TOR1AIP1: variants seen among roughly 807,000 people sequenced by gnomAD.
TOR1AIP1 encodes the protein torsin 1A interacting protein 1.
In TOR1AIP1, 54 loss-of-function variants were observed where a neutral mutation model predicts 63.3. The observed-to-expected ratio is 0.85, with a 90% CI of 0.69 to 1.07. TOR1AIP1 has a LOEUF of 1.07. Among genes scored for constraint, TOR1AIP1 ranks in the 50% least tolerant of loss-of-function variants. TOR1AIP1 has a pLI of 0.00. For missense variants in TOR1AIP1, 736 were observed against 715.0 expected, an observed-to-expected ratio of 1.03 and a Z score of -0.33; for synonymous variants, 294 against 273.5, an observed-to-expected ratio of 1.07 and a Z score of -0.74.
intron 2 of TOR1AIP1, among the ~76,000 whole-genome samples, chr1:179,887,347 C>T (rs140574758): frequency 0.021 from 3,152 of 151,950 alleles, 125 homozygotes; most frequent in African/African-American, 0.072. Flanking sequence ...TGCAGTGAGC[C>T]GAGATCATGC....
Position 179,918,413 on chromosome 1 carries a change from T to C in TOR1AIP1, c.*174T>C. 1.6e-6 allele frequency: 1 copy of C among 638,148 alleles called. No individual in the cohort carries two copies. Among genetic ancestry groups the C allele is most frequent in the Non-Finnish European group, 2.6e-6 (1 of 381,674 alleles). 39.5% of individuals were successfully genotyped at this position (638,148 alleles called of 1,614,324 possible). On this transcript the variant is annotated 3_prime_UTR_variant, in exon 10 of 10. Coordinates refer to ENST00000606911, the MANE Select transcript of TOR1AIP1 (RefSeq NM_015602.4). ...TCATTCAACCTAATTATCTGTGATA[T>C]GAGAGAATCATTTCAGTTTCCATTG...
At chr1:179,883,931 G>A (rs538287736) in intron 1 of TOR1AIP1, 13 of 286,068 alleles carry the variant, frequency 4.5e-5, no homozygotes, top group African/African-American at 2.8e-4. Context: ...GTCACAATGG[G>A]ATGACATAGT....
intron 8 of TOR1AIP1, among the ~76,000 whole-genome samples, chr1:179,909,454 A>T (rs1020575435): frequency 4.0e-5 from 6 of 151,560 alleles, no homozygotes; most frequent in Admixed American, 2.6e-4. Context: ...TGTGTTGCCC[A>T]GGCTGGAGTA....
rs185541586 is a variant in TOR1AIP1, at chr1:179,887,181, C to T, written c.554-2132C>T. ...TTGGGAGGCCAAGGTGGGCAGATCA[C>T]GAGGTCAGGAGTTCGAGACCAGCCT... On this transcript the variant is annotated intron_variant, in intron 2 of 9. Transcript: ENST00000606911. 5.8e-3 allele frequency among the ~76,000 whole-genome samples: 887 copies of T among 152,166 alleles called. 9 individuals carry two copies. The highest frequency in any genetic ancestry group is 7.0e-3 in the Admixed American group (107 of 15,266).
Position 179,903,955 on chromosome 1 carries a change from T to C in TOR1AIP1, c.740-11T>C. 1 of 1,567,510 alleles carries C rather than the reference T, an allele frequency of 6.4e-7. No individual in the cohort carries two copies. Among genetic ancestry groups the C allele is most frequent in the Non-Finnish European group, 8.7e-7 (1 of 1,143,136 alleles). On this transcript the variant is annotated splice_polypyrimidine_tract_variant and intron_variant, in intron 5 of 9. Coordinates refer to ENST00000606911, the MANE Select transcript of TOR1AIP1 (RefSeq NM_015602.4). ...GATATTATTTATAGTGTACTGTTTTTTATTTTTTAGATAAAACCACCAGAT... is the reference window on the plus strand; with the variant it reads ...GATATTATTTATAGTGTACTGTTTTCTATTTTTTAGATAAAACCACCAGAT...
chr1:179,889,259 A>C, intron 2 of TOR1AIP1, 54 bp from the exon 3 acceptor site: 2 of 1,372,820 alleles, frequency 1.5e-6, no homozygotes, highest in Non-Finnish European at 2.0e-6. Context: ...TAATAAAGCT[A>C]GTATGTTTCA....
intron 5 of TOR1AIP1, among the ~76,000 whole-genome samples, chr1:179,903,617 C>G (rs1175226864): frequency 2.6e-5 from 4 of 151,986 alleles, no homozygotes; most frequent in African/African-American, 9.7e-5. Context: ...AGCAGTTCTC[C>G]TGCCCTAAGG....
chr1:179,899,325 T>A (rs1047947400), intron 3 of TOR1AIP1, among the ~76,000 whole-genome samples: 2 of 152,072 alleles, frequency 1.3e-5, no homozygotes, highest in Admixed American at 6.6e-5. Context: ...TTATTTGATG[T>A]GTTTTGCTTG....
chr1:179,908,055 C>T (rs542076589), intron 7 of TOR1AIP1, among the ~76,000 whole-genome samples, 191 bp downstream of exon 7: 1 of 151,812 alleles, frequency 6.6e-6, no homozygotes, highest in South Asian at 2.1e-4. Flanking sequence ...ACTACAGGCG[C>T]CCGCCACCAC....
At chr1:179,886,970 T>C (rs1307411319) in intron 2 of TOR1AIP1, among the ~76,000 whole-genome samples, 1 of 152,168 alleles carries the variant, frequency 6.6e-6, no homozygotes, top group Non-Finnish European at 1.5e-5. Flanking sequence ...AAGTACAAGT[T>C]TAAGGTAAAG....
intron 1 of TOR1AIP1, 163 bp downstream of exon 1, chr1:179,883,140 C>G: frequency 1.5e-6 from 1 of 681,788 alleles, no homozygotes; most frequent in South Asian, 1.9e-5. Flanking sequence ...CAAGGGCCAC[C>G]CTGACCCGCA....
chr1:179,882,583 G>T lies in TOR1AIP1; in HGVS notation c.81G>T (p.Glu27Asp). 6.6e-7 allele frequency: 1 copy of T among 1,521,546 alleles called. No individual in the cohort carries two copies. Among genetic ancestry groups the T allele is most frequent in the Non-Finnish European group, 8.8e-7 (1 of 1,137,906 alleles). 94.3% of individuals were successfully genotyped at this position (1,521,546 alleles called of 1,614,324 possible). A position where few individuals can be genotyped will look rare whatever the true frequency, so the allele number is the denominator to read the frequency against. Reference sequence around the variant, plus strand: ...TCACCCCCAGGGCCCCCATCCGAGAGGGAAGGGGCCGGCTCGCCCCTCAAA... The same window carrying T: ...TCACCCCCAGGGCCCCCATCCGAGATGGAAGGGGCCGGCTCGCCCCTCAAA... ...VYVTPRAPIR[E>D]GRGRLAPQNG... Residue 27 changes from glutamate to aspartate, a missense_variant, in exon 1 of 10, where the codon GAG becomes GAT. Glu to Asp is a conservative substitution (Grantham distance 45). Transcript: ENST00000606911.
chr1:179,905,295 A>G (rs1648597000), intron 6 of TOR1AIP1, among the ~76,000 whole-genome samples: 1 of 152,160 alleles, frequency 6.6e-6, no homozygotes, highest in South Asian at 2.1e-4. Flanking sequence ...GAATGGCGTG[A>G]ACCTGAGGGG....
At position 179,882,831 on chromosome 1, in the gene TOR1AIP1, A is replaced by T. The variant is rs1021447566; in HGVS notation, c.329A>T (p.Gln110Leu). The T allele has an allele frequency of 1.2e-6, 2 of 1,614,112 alleles. No homozygotes were observed. The highest frequency in any genetic ancestry group is 1.7e-6 in the Non-Finnish European group (2 of 1,180,050). ...RESAYYLRSR[Q>L]RRQPRPQETE... ...AGCGCGTACTACCTTCGGTCTAGGCAGCGGAGGCAGCCGCGACCCCAGGAA... is the reference window on the plus strand; with the variant it reads ...AGCGCGTACTACCTTCGGTCTAGGCTGCGGAGGCAGCCGCGACCCCAGGAA... The change falls in exon 1 of 10, where the codon CAG (glutamine) becomes CTG (leucine). Residue 110 changes from glutamine (Q) to leucine (L), a missense_variant. This residue lies in a region of TOR1AIP1 where 464 missense variants were observed against 371.0 expected (regional missense o/e 1.25). Transcript: ENST00000606911.
chr1:179,883,059 C>A, intron 1 of TOR1AIP1, 82 bp downstream of exon 1: 1 of 1,264,618 alleles, frequency 7.9e-7, no homozygotes, highest in Non-Finnish European at 1.1e-6. Flanking sequence ...GAGCTCATGC[C>A]CGCCTGGGTA....
rs1649126864 is a variant in TOR1AIP1, at chr1:179,919,463, T to C, written c.*1224T>C. The C allele has an allele frequency of 6.6e-6, 1 of 152,170 alleles. No homozygotes were observed. Among genetic ancestry groups the C allele is most frequent in the South Asian group, 2.1e-4 (1 of 4,834 alleles). The allele number at this position is 152,170 out of a possible 1,614,324, so 9.4% of individuals were successfully genotyped here. ...CTCTAGTGCAACGCCATAGCAAATA[T>C]AAAGATTTACTATGCACGTGATACA... is the stretch of plus-strand genomic sequence containing the variant. On this transcript the variant is annotated 3_prime_UTR_variant, in exon 10 of 10. Coordinates refer to ENST00000606911, the MANE Select transcript of TOR1AIP1 (RefSeq NM_015602.4).
In TOR1AIP1 at chr1:179,917,906, G is replaced by T; in HGVS notation, c.1419G>T (p.Gln473His). 1 of 1,614,204 alleles carries T rather than the reference G, an allele frequency of 6.2e-7. No individual in the cohort carries two copies. Among genetic ancestry groups the T allele is most frequent in the Non-Finnish European group, 8.5e-7 (1 of 1,180,052 alleles). Reference sequence around the variant, plus strand: ...TGAGCAATGGATTTAAGAATGGCCAGAATGCAGCTGTGGTACACCGCTTTG... The same window carrying T: ...TGAGCAATGGATTTAAGAATGGCCATAATGCAGCTGTGGTACACCGCTTTG... ...QELSNGFKNG[Q>H]NAAVVHRFES... The change falls in exon 10 of 10, where the codon CAG (glutamine) becomes CAT (histidine). Residue 473 changes from glutamine (Q) to histidine (H), a missense_variant. Gln to His is a conservative substitution (Grantham distance 24). Coordinates refer to ENST00000606911, the MANE Select transcript of TOR1AIP1 (RefSeq NM_015602.4).
intron 3 of TOR1AIP1, among the ~76,000 whole-genome samples, chr1:179,893,471 C>T (rs1477728095): frequency 6.6e-6 from 1 of 151,998 alleles, no homozygotes; most frequent in Non-Finnish European, 1.5e-5. Flanking sequence ...GACAGAGTCT[C>T]AATCTGTCAC....
At chr1:179,902,113 C>A (rs766872876) in intron 5 of TOR1AIP1, among the ~76,000 whole-genome samples, 5 of 149,590 alleles carry the variant, frequency 3.3e-5, no homozygotes, top group Non-Finnish European at 7.4e-5. Context: ...GCAGCCTCTG[C>A]CTCCTGGGTT....
Sources: gnomAD v4.1 joint callset for allele counts (sites outside exome capture counted in the v4.1 genomes callset) on GRCh38, gnomAD v4.1.1 for gene constraint, gnomAD v4.1.1 regional missense constraint, MANE v1.5 for transcripts, NCBI Gene and HGNC (gene_info 2026-07-23, HGNC 2026-07-21) for gene names.